The following SYNE2 variants were observed in gnomAD, a reference collection of about 807,000 sequenced individuals.
SYNE2 encodes spectrin repeat containing nuclear envelope protein 2, also known as nesprin-2.
A neutral mutation model predicts 856.3 loss-of-function variants in SYNE2; 431 were observed. That is an observed-to-expected ratio of 0.50 (90% CI 0.47 to 0.55). The LOEUF (loss-of-function observed/expected upper bound fraction) is 0.55. Ranked by LOEUF, SYNE2 falls within the 20% of genes least tolerant of loss-of-function variation. SYNE2 has a pLI of 0.00. For missense variants in SYNE2, 8,129 were observed against 8,023.2 expected, an observed-to-expected ratio of 1.01 and a Z score of -0.50; for synonymous variants, 2,923 against 2,872.3, an observed-to-expected ratio of 1.02 and a Z score of -0.56.
intron 23 of SYNE2, among the ~76,000 whole-genome samples, chr14:63,995,607 A>G (rs911711208): frequency 6.6e-6 from 1 of 151,932 alleles, no homozygotes; most frequent in African/African-American, 2.4e-5. Context: ...TTTGGTCTCT[A>G]TCCTATTTGA....
chr14:64,119,388 G>T, intron 66 of SYNE2, 39 bp from the exon 67 acceptor site: 1 of 1,612,026 alleles, frequency 6.2e-7, no homozygotes, highest in South Asian at 1.1e-5. Context: ...ACTTCTTCAA[G>T]AACAACATTA....
chr14:63,775,837 T>C (rs768949436), intron 1 of SYNE2, among the ~76,000 whole-genome samples: 3 of 152,238 alleles, frequency 2.0e-5, no homozygotes, highest in Non-Finnish European at 4.4e-5. Context: ...AGGGGAGATA[T>C]AGTAATAGCT....
At position 64,122,057 on chromosome 14, in the gene SYNE2, A is replaced by G; in HGVS notation, c.13204A>G (p.Ile4402Val). 6.2e-7 allele frequency: 1 copy of G among 1,613,882 alleles called. No individual in the cohort carries two copies. Among genetic ancestry groups the G allele is most frequent in the Non-Finnish European group, 8.5e-7 (1 of 1,179,900 alleles). Reference protein sequence around the residue: ...PMEQKDFIKFIEFNAKKMWPQ... With the variant: ...PMEQKDFIKFVEFNAKKMWPQ... ...GGAACAGAAAGATTTCATCAAATTC[A>G]TAGAATTTAATGCTAAGAAAATGTG... Residue 4402 changes from isoleucine to valine, a missense_variant, in exon 69 of 116, where the codon ATA becomes GTA. Physicochemically the swap from Ile to Val is conservative, Grantham distance 29 (BLOSUM62 3). This residue lies in a region of SYNE2 where 5,410 missense variants were observed against 5,284.8 expected (regional missense o/e 1.02). Transcript: ENST00000555002.
At chr14:64,218,277 G>A (rs1397136616) in intron 108 of SYNE2, 121 bp from the exon 109 acceptor site, 4 of 888,152 alleles carry the variant, frequency 4.5e-6, no homozygotes, top group Non-Finnish European at 7.2e-6. Context: ...TTCCTAGCAA[G>A]ATACCCTTCA....
chr14:63,790,330 T>C (rs1468370683), intron 1 of SYNE2, among the ~76,000 whole-genome samples: 3 of 148,964 alleles, frequency 2.0e-5, no homozygotes, highest in Non-Finnish European at 4.4e-5. Flanking sequence ...AGCAAGACCC[T>C]GTCTCAAAAA....
At chr14:63,822,111 A>G (rs12896638) in intron 1 of SYNE2, among the ~76,000 whole-genome samples, 9,165 of 152,096 alleles carry the variant, frequency 0.06, 301 homozygotes, top group Middle Eastern at 0.099. Flanking sequence ...GAATTGCTTG[A>G]ACCTGGGAGG....
chr14:64,185,519 C>CTTTT (rs66490444), intron 96 of SYNE2, among the ~76,000 whole-genome samples: 15 of 77,456 alleles, frequency 1.9e-4, no homozygotes, highest in Non-Finnish European at 3.1e-4. Flanking sequence ...TTTTCTTTTT[C>CTTTT]TTTTTTTTTT....
At chr14:63,985,169 A>C (rs990244076) in intron 18 of SYNE2, among the ~76,000 whole-genome samples, 1 of 151,896 alleles carries the variant, frequency 6.6e-6, no homozygotes, top group African/African-American at 2.4e-5. Flanking sequence ...GTATTTACTA[A>C]AAATACAAAA....
chr14:63,959,287 C>CTTTTTTTTTTTTTTTT (rs34198434), intron 8 of SYNE2, among the ~76,000 whole-genome samples: 1 of 81,382 alleles, frequency 1.2e-5, no homozygotes, highest in African/African-American at 5.2e-5. Flanking sequence ...TTTTCTTCTT[C>CTTTTTTTTTTTTTTTT]TTTTTTTTTT....
chr14:63,851,116 G>A (rs1423375144), upstream of SYNE2, among the ~76,000 whole-genome samples: 3 of 151,908 alleles, frequency 2.0e-5, no homozygotes, highest in Non-Finnish European at 4.4e-5. Context: ...TAATCCCAGC[G>A]CTTGGGGAGG....
intron 2 of SYNE2, among the ~76,000 whole-genome samples, chr14:63,914,759 T>C (rs2095514899): frequency 6.6e-6 from 1 of 152,206 alleles, no homozygotes; most frequent in Non-Finnish European, 1.5e-5. Flanking sequence ...CCCACATTAC[T>C]AACTTTATTT....
At chr14:64,155,977 T>C (rs1244433420) in intron 85 of SYNE2, among the ~76,000 whole-genome samples, 1 of 152,198 alleles carries the variant, frequency 6.6e-6, no homozygotes, top group Non-Finnish European at 1.5e-5. Flanking sequence ...TTAACCTCTC[T>C]AAGCCTCGAT....
In SYNE2 at chr14:63,942,140, T is replaced by C. The variant is rs766032687; in HGVS notation, c.405T>C (p.Phe135=). ...TAATTTGGACAATTATCCTGCACTTTCATGTAAGTAGTTTGATGATATAAA... is the reference window on the plus strand; with the variant it reads ...TAATTTGGACAATTATCCTGCACTTCCATGTAAGTAGTTTGATGATATAAA... ...LGLIWTIILH[F]HIEKLAQTLS... is the part of the protein sequence containing the mutation. The change falls in exon 6 of 116, where the codon TTT becomes TTC. Residue 135 remains phenylalanine, a synonymous_variant. Transcript: ENST00000555002. 1 of 1,565,392 alleles carries C rather than the reference T, an allele frequency of 6.4e-7. No homozygotes were observed. Among genetic ancestry groups the C allele is most frequent in the South Asian group, 1.1e-5 (1 of 90,186 alleles).
chr14:64,039,528 C>G (rs1192352290), intron 45 of SYNE2, among the ~76,000 whole-genome samples: 1 of 152,022 alleles, frequency 6.6e-6, no homozygotes, highest in African/African-American at 2.4e-5. Flanking sequence ...CAAACAGACC[C>G]AAATGAAAGG....
intron 99 of SYNE2, among the ~76,000 whole-genome samples, chr14:64,193,421 G>A (rs533033183): frequency 3.3e-5 from 5 of 152,190 alleles, no homozygotes; most frequent in Admixed American, 6.5e-5. Context: ...GTGGTGGTGC[G>A]CACCTGTAGT....
At chr14:63,787,436 A>G (rs1189327731) in intron 1 of SYNE2, among the ~76,000 whole-genome samples, 1 of 152,136 alleles carries the variant, frequency 6.6e-6, no homozygotes, top group Admixed American at 6.5e-5. Flanking sequence ...GAAAACATGT[A>G]TTGTCACTCT....
chr14:63,819,030 T>A (rs1889115835), intron 1 of SYNE2, among the ~76,000 whole-genome samples: 1 of 151,506 alleles, frequency 6.6e-6, no homozygotes, highest in African/African-American at 2.4e-5. Flanking sequence ...TACTAGGAGT[T>A]CTAGCCAGTG....
intron 64 of SYNE2, among the ~76,000 whole-genome samples, chr14:64,106,223 G>A (rs1443210884): frequency 6.7e-6 from 1 of 150,174 alleles, no homozygotes; most frequent in African/African-American, 2.5e-5. Context: ...TATGTTCTAA[G>A]AATGTTGAAT....
At chr14:64,073,931 G>A (rs2097434919) in intron 52 of SYNE2, 37 bp from the exon 53 acceptor site, 1 of 1,600,274 alleles carries the variant, frequency 6.2e-7, no homozygotes, top group Non-Finnish European at 8.6e-7. Context: ...AGAAGAGCAG[G>A]ATAAAGAAAC....
Sources: gnomAD v4.1 joint callset for allele counts (sites outside exome capture counted in the v4.1 genomes callset) on GRCh38, gnomAD v4.1.1 for gene constraint, gnomAD v4.1.1 regional missense constraint, MANE v1.5 for transcripts, NCBI Gene and HGNC (gene_info 2026-07-23, HGNC 2026-07-21) for gene names.